The following CSNK2A1 variants were observed in gnomAD, a reference collection of about 807,000 sequenced individuals.
CSNK2A1 encodes casein kinase II subunit alpha.
CSNK2A1 carries 10 observed loss-of-function variants against 62.9 expected under a neutral mutation model. The observed-to-expected ratio is 0.16, with a 90% CI of 0.10 to 0.27. The LOEUF is 0.27. Ranked by LOEUF, CSNK2A1 falls within the 10% of genes least tolerant of loss-of-function variation. The pLI, the probability that CSNK2A1 is intolerant of heterozygous loss-of-function variation, is 1.00. For missense variants in CSNK2A1, 160 were observed against 492.0 expected, an observed-to-expected ratio of 0.33 and a Z score of 6.38; for synonymous variants, 124 against 167.8, an observed-to-expected ratio of 0.74 and a Z score of 2.02.
chr20:486,314 C>T, intron 13 of CSNK2A1, 62 bp downstream of exon 13: 2 of 1,593,440 alleles, frequency 1.3e-6, no homozygotes, highest in African/African-American at 1.3e-5. Flanking sequence ...AATCAGACCA[C>T]AAAGCTAAGA....
At chr20:505,349 AG>A (rs2018552448) in intron 3 of CSNK2A1, 120 bp from the exon 4 acceptor site, 2 of 402,444 alleles carry the variant, frequency 5.0e-6, no homozygotes, top group South Asian at 3.1e-5. Context: ...ATTCCCAAAT[AG>A]GTTTTTTTTT....
At chr20:500,217 AAAACATGTT>A in intron 4 of CSNK2A1, 2 of 333,048 alleles carry the variant, frequency 6.0e-6, no homozygotes, top group South Asian at 8.0e-5. Context: ...TTAATGTTTT[AAAACATGTT>A]AAACATGTTA....
chr20:486,589 C>T, intron 12 of CSNK2A1, 127 bp from the exon 13 acceptor site: 1 of 935,938 alleles, frequency 1.1e-6, no homozygotes, highest in Non-Finnish European at 1.5e-6. Context: ...CCCCAAAGAA[C>T]TTAAGGTGGC....
In CSNK2A1 at chr20:483,554, CA is replaced by C. The variant is rs1175349931; in HGVS notation, c.*406del. ...ATCTCTGGAGAAGAGCACGAGATAC[CA>C]ACCCCCTAAAGTGTGGGACGGTGGA... On this transcript the variant is annotated 3_prime_UTR_variant, in exon 14 of 14. Coordinates refer to ENST00000217244, the MANE Select transcript of CSNK2A1 (RefSeq NM_177559.3). The C allele has an allele frequency of 1.3e-5, 2 of 153,044 alleles. No homozygotes were observed. Among genetic ancestry groups the C allele is most frequent in the African/African-American group, 4.8e-5 (2 of 41,368 alleles). 9.5% of individuals were successfully genotyped at this position (153,044 alleles called of 1,614,324 possible). A position where few individuals can be genotyped will look rare whatever the true frequency, so the allele number is the denominator to read the frequency against.
At chr20:487,888 A>G in intron 11 of CSNK2A1, 1 of 386,324 alleles carries the variant, frequency 2.6e-6, no homozygotes, top group Admixed American at 3.9e-5. Flanking sequence ...CACCAGGCCT[A>G]TTTCCCATCC....
At chr20:540,098 T>C (rs866434780) in intron 1 of CSNK2A1, 6 of 152,252 alleles carry the variant, frequency 3.9e-5, no homozygotes, top group African/African-American at 1.2e-4. Context: ...ACCCTGATTC[T>C]TTTATGAAAA....
chr20:501,732 A>G (rs1335133511), intron 4 of CSNK2A1: 1 of 152,148 alleles, frequency 6.6e-6, no homozygotes, highest in Non-Finnish European at 1.5e-5. Context: ...TGCACTGCAT[A>G]TAACTCTTAG....
intron 2 of CSNK2A1, among the ~76,000 whole-genome samples, chr20:517,909 TG>T (rs2018861659): frequency 6.6e-6 from 1 of 152,206 alleles, no homozygotes; most frequent in Non-Finnish European, 1.5e-5. Context: ...GTTACCATTT[TG>T]TGCTTAAAAC....
chr20:509,922 T>A (rs1389192759), intron 2 of CSNK2A1, among the ~76,000 whole-genome samples: 6 of 152,030 alleles, frequency 3.9e-5, no homozygotes, highest in Non-Finnish European at 1.5e-5. Context: ...AAAGAGGAAG[T>A]GTCTATTTAA....
intron 9 of CSNK2A1, 122 bp from the exon 10 acceptor site, chr20:490,003 T>G: frequency 2.9e-6 from 2 of 682,408 alleles, no homozygotes; most frequent in Non-Finnish European, 4.5e-6. Context: ...AAAACACTAA[T>G]AACATCTTCA....
chr20:540,870 T>C, intron 1 of CSNK2A1: 1 of 152,180 alleles, frequency 6.6e-6, no homozygotes, highest in East Asian at 1.9e-4. Flanking sequence ...GCTAGCTAGG[T>C]CTTTTGCTTA....
chr20:535,069 T>C (rs910218240), intron 1 of CSNK2A1, among the ~76,000 whole-genome samples: 1 of 143,380 alleles, frequency 7.0e-6, no homozygotes, highest in Non-Finnish European at 1.5e-5. Flanking sequence ...AAAAAAAATT[T>C]CTTCGGACCA....
At chr20:512,266 G>A (rs541295943) in intron 2 of CSNK2A1, among the ~76,000 whole-genome samples, 7 of 151,094 alleles carry the variant, frequency 4.6e-5, no homozygotes, top group African/African-American at 1.7e-4. Flanking sequence ...CTCATTGACT[G>A]TGATTTTAAT....
At chr20:506,849 G>A (rs1442228248) in intron 3 of CSNK2A1, 2 of 152,146 alleles carry the variant, frequency 1.3e-5, no homozygotes, top group Non-Finnish European at 2.9e-5. Context: ...CATGCCAAAA[G>A]CCCAAAAGGG....
intron 1 of CSNK2A1, among the ~76,000 whole-genome samples, chr20:535,031 TC>T: frequency 3.0e-5 from 2 of 65,662 alleles, no homozygotes; most frequent in Non-Finnish European, 5.1e-5. Context: ...AGATGCTATC[TC>T]CCAAAAAAAA....
intron 12 of CSNK2A1, 122 bp downstream of exon 12, chr20:487,305 G>GA: frequency 2.1e-6 from 3 of 1,398,478 alleles, no homozygotes; most frequent in Non-Finnish European, 2.0e-6. Flanking sequence ...CCCACTGGAA[G>GA]AATCTGAGGC....
chr20:542,722 G>T (rs188823484), intron 1 of CSNK2A1, among the ~76,000 whole-genome samples: 2 of 152,162 alleles, frequency 1.3e-5, no homozygotes, highest in East Asian at 3.9e-4. Flanking sequence ...TGAGCCACAC[G>T]CCCGGCCTCT....
In CSNK2A1 at chr20:529,631, G is replaced by GA. The variant is rs200539291; in HGVS notation, c.-226-1583dup. ...AGGTAAAAGTTCTTGACTTAATATG[G>GA]AAAAAAAAATCATATGTGGAAATTG... On this transcript the variant is annotated intron_variant, in intron 1 of 13. Transcript: ENST00000217244. Among the ~76,000 whole-genome samples, 123 of 150,756 alleles carry GA rather than the reference G, an allele frequency of 8.2e-4. No homozygotes were observed. In the East Asian group the frequency reaches 0.011, roughly 13 times the overall value.
intron 2 of CSNK2A1, among the ~76,000 whole-genome samples, chr20:513,752 T>C (rs2018771680): frequency 6.6e-6 from 1 of 152,196 alleles, no homozygotes; most frequent in Non-Finnish European, 1.5e-5. Context: ...TCTCCAGTAC[T>C]TGTCTGAATG....
Sources: allele counts gnomAD v4.1 joint callset (sites outside exome capture counted in the v4.1 genomes callset), GRCh38; gene constraint gnomAD v4.1.1; transcripts MANE v1.5; gene names NCBI Gene and HGNC (gene_info 2026-07-23, HGNC 2026-07-21).